Variants in KLHL26 observed in about 807,000 individuals in gnomAD.
KLHL26 encodes the protein kelch-like protein 26.
Under a neutral mutation model 7.1 loss-of-function variants are expected in KLHL26, and 4 were observed. That is an observed-to-expected ratio of 0.56 (90% CI 0.28 to 1.28). The LOEUF (loss-of-function observed/expected upper bound fraction) is 1.28, where lower values mean the gene tolerates loss of function less well. Ranked by LOEUF, KLHL26 falls within the 50% of genes most tolerant of loss-of-function variation. The pLI is 0.11. For missense variants in KLHL26, 896 were observed against 924.6 expected (o/e 0.97, Z 0.40); for synonymous variants, 465 against 414.1 (o/e 1.12, Z -1.49).
rs988975772 is a variant in KLHL26 at position 18,648,705 on chromosome 19, A to T, written c.83+11568A>T. Among the ~76,000 whole-genome samples, 1 of 152,150 alleles carries T rather than the reference A, an allele frequency of 6.6e-6. No homozygotes were observed. The highest frequency in any genetic ancestry group is 1.5e-5 in the Non-Finnish European group (1 of 68,020). Reference sequence around the variant, plus strand: ...GAGGGCTTCAGGTCTTCCCACCAGCAGGTCCCAGTCCTGGGAATGTCCCTC... The same window carrying T: ...GAGGGCTTCAGGTCTTCCCACCAGCTGGTCCCAGTCCTGGGAATGTCCCTC... On this transcript the variant is annotated intron_variant, in intron 1 of 2. Transcript: ENST00000300976. The surrounding 1 kb of genome is among the most constrained non-coding windows in gnomAD (Gnocchi z 4.9).
At chr19:18,663,781 G>A (rs1016206907) in intron 1 of KLHL26, among the ~76,000 whole-genome samples, 1 of 151,462 alleles carries the variant, frequency 6.6e-6, no homozygotes, top group African/African-American at 2.4e-5. Context: ...GGAGAAGAGG[G>A]GATGAGGGGG....
rs1976677141 is a variant in KLHL26, at chr19:18,639,530, C to A, written c.83+2393C>A. ...GTTCAAGCAATTCTCCTGCCTCAGC[C>A]TCCCGAGTAGCTGAGACCACAGGTG... On this transcript the variant is annotated intron_variant, in intron 1 of 2. Coordinates refer to ENST00000300976, the MANE Select transcript of KLHL26 (RefSeq NM_018316.3). Among the ~76,000 whole-genome samples, 4 of 150,492 alleles carry A rather than the reference C, an allele frequency of 2.7e-5. No individual in the cohort carries two copies. The Admixed American group carries it at 2.7e-4, about 10-fold the overall frequency.
rs1181332735 is a variant in KLHL26, at chr19:18,649,536, CTG to C, written c.83+12401_83+12402del. Among the ~76,000 whole-genome samples the C allele has an allele frequency of 6.6e-6, 1 of 152,202 alleles. No homozygotes were observed. Among genetic ancestry groups the C allele is most frequent in the East Asian group, 1.9e-4 (1 of 5,200 alleles). ...AGGGCACCATACCGTTTTGCGTGTG[CTG>C]TCTTTAGTGAGTGAGCAAAACCTCA... is the stretch of plus-strand genomic sequence containing the variant. On this transcript the variant is annotated intron_variant, in intron 1 of 2. Transcript: ENST00000300976. This position sits in a 1 kb window ranked among gnomAD's most constrained non-coding sequence, Gnocchi z 4.0.
intron 1 of KLHL26, among the ~76,000 whole-genome samples, chr19:18,661,899 T>A (rs2145403643): frequency 6.6e-6 from 1 of 152,102 alleles, no homozygotes; most frequent in South Asian, 2.1e-4. Context: ...TCTTTGTGCA[T>A]CTTTCGATCT....
chr19:18,661,384 C>T (rs1169128038), intron 1 of KLHL26, among the ~76,000 whole-genome samples: 1 of 152,174 alleles, frequency 6.6e-6, no homozygotes, highest in Non-Finnish European at 1.5e-5. Flanking sequence ...GCAGTAGCTC[C>T]TCTCCTCCCC....
At chr19:18,666,672 C>A (rs1313806428) in intron 2 of KLHL26, among the ~76,000 whole-genome samples, 1 of 152,106 alleles carries the variant, frequency 6.6e-6, no homozygotes, top group Non-Finnish European at 1.5e-5. Context: ...GAGGTGCTTC[C>A]CCGACCACCT....
At chr19:18,640,551 ATTTT>A (rs56247740) in intron 1 of KLHL26, among the ~76,000 whole-genome samples, 1 of 96,656 alleles carries the variant, frequency 1.0e-5, no homozygotes, top group Non-Finnish European at 2.0e-5. Flanking sequence ...CTATGTTTTA[ATTTT>A]TTTTTTTTTT....
intron 1 of KLHL26, among the ~76,000 whole-genome samples, chr19:18,663,539 T>C (rs1275581875): frequency 6.6e-6 from 1 of 151,868 alleles, no homozygotes; most frequent in East Asian, 1.9e-4. Flanking sequence ...CAGGCGTGGG[T>C]CCCAGGAATG....
intron 1 of KLHL26, among the ~76,000 whole-genome samples, chr19:18,661,554 C>T (rs563544989): frequency 6.6e-6 from 1 of 152,154 alleles, no homozygotes; most frequent in Non-Finnish European, 1.5e-5. Context: ...CCCCTGCATG[C>T]AACATCTTCC....
In KLHL26 at chr19:18,652,767, C is replaced by T. The variant is rs74746607; in HGVS notation, c.84-11494C>T. Among the ~76,000 whole-genome samples, 411 of 152,216 alleles carry T rather than the reference C, an allele frequency of 2.7e-3. 1 individual carries two copies. The highest frequency in any genetic ancestry group is 0.024 in the Middle Eastern group (7 of 294). ...TTGTACCTGGACCACAGTGTTGGGG[C>T]GTCCCCATCAGAACAGCCTCCACGA... On this transcript the variant is annotated intron_variant, in intron 1 of 2. Transcript: ENST00000300976.
At position 18,643,603 on chromosome 19, in the gene KLHL26, C is replaced by T. The variant is rs992296235; in HGVS notation, c.83+6466C>T. Among the ~76,000 whole-genome samples the T allele has an allele frequency of 1.4e-4, 21 of 151,832 alleles. No homozygotes were observed. In the East Asian group the frequency reaches 2.1e-3, roughly 16 times the overall value. On this transcript the variant is annotated intron_variant, in intron 1 of 2. Coordinates refer to ENST00000300976, the MANE Select transcript of KLHL26 (RefSeq NM_018316.3). Reference sequence around the variant, plus strand: ...AAGCGATTCTCCTGCCTCAGCCTCCCGAGTAGCTGAGATTACAGACATGTG... The same window carrying T: ...AAGCGATTCTCCTGCCTCAGCCTCCTGAGTAGCTGAGATTACAGACATGTG...
Position 18,649,149 on chromosome 19 carries a change from C to T in KLHL26, c.83+12012C>T, listed in dbSNP as rs536240573. Among the ~76,000 whole-genome samples, 55 of 152,316 alleles carry T rather than the reference C, an allele frequency of 3.6e-4. No homozygotes were observed. In the East Asian group the frequency reaches 9.4e-3, roughly 26 times the overall value. The stretch of plus-strand genomic sequence containing the variant: ...GGCCTGGCCACTGTGTCCACCGTGG[C>T]GCCACTGCTCGCCCTGTCGTCATGG... On this transcript the variant is annotated intron_variant, in intron 1 of 2. Transcript: ENST00000300976. This position sits in a 1 kb window ranked among gnomAD's most constrained non-coding sequence, Gnocchi z 4.0.
At chr19:18,665,898 C>T (rs59186604) in intron 2 of KLHL26, among the ~76,000 whole-genome samples, 9,708 of 152,268 alleles carry the variant, frequency 0.064, 362 homozygotes, top group Non-Finnish European at 0.084. Context: ...AGGCCCGGGC[C>T]GCCTGCCCCA....
At chr19:18,660,521 G>T (rs920039324) in intron 1 of KLHL26, among the ~76,000 whole-genome samples, 2 of 152,214 alleles carry the variant, frequency 1.3e-5, no homozygotes, top group Admixed American at 1.3e-4. Context: ...TGGCCCCGCC[G>T]TGCCGGCCGC....
chr19:18,652,589 C>CA (rs5827418), intron 1 of KLHL26, among the ~76,000 whole-genome samples: 16 of 87,620 alleles, frequency 1.8e-4, no homozygotes, highest in South Asian at 4.0e-4. Flanking sequence ...GACTCCATCT[C>CA]AAAAAAAAAA....
At chr19:18,655,336 C>A (rs961790526) in intron 1 of KLHL26, among the ~76,000 whole-genome samples, 2 of 152,222 alleles carry the variant, frequency 1.3e-5, no homozygotes, top group African/African-American at 4.8e-5. Context: ...CCCTCTGAGC[C>A]TCAGTCTCCC....
chr19:18,644,402 C>T (rs1345405857), intron 1 of KLHL26, among the ~76,000 whole-genome samples: 2 of 152,160 alleles, frequency 1.3e-5, no homozygotes, highest in African/African-American at 4.8e-5. Context: ...ATGTTCAGTC[C>T]TTTGGGGTAC....
At chr19:18,667,128 G>A (rs930572343) in intron 2 of KLHL26, among the ~76,000 whole-genome samples, 1 of 151,882 alleles carries the variant, frequency 6.6e-6, no homozygotes, top group African/African-American at 2.4e-5. Flanking sequence ...TGCATGGCTT[G>A]GGTGGATTCA....
At chr19:18,660,085 G>C (rs2145400733) in intron 1 of KLHL26, among the ~76,000 whole-genome samples, 1 of 152,062 alleles carries the variant, frequency 6.6e-6, no homozygotes, top group Non-Finnish European at 1.5e-5. Context: ...CCCATAACAG[G>C]TGGTCCACCT....
Sources: allele counts gnomAD v4.1 joint callset (sites outside exome capture counted in the v4.1 genomes callset), GRCh38; gene constraint gnomAD v4.1.1; non-coding constraint Gnocchi (gnomAD v3.1); transcripts MANE v1.5; gene names NCBI Gene and HGNC (gene_info 2026-07-23, HGNC 2026-07-21).